SNTG2: variants seen among roughly 807,000 people sequenced by gnomAD.
SNTG2 encodes syntrophin gamma 2.
In SNTG2, 74 loss-of-function variants were observed where a neutral mutation model predicts 70.9. That is an observed-to-expected ratio of 1.04 (90% confidence interval 0.86 to 1.27). The LOEUF (loss-of-function observed/expected upper bound fraction) is 1.27. Ranked by LOEUF, SNTG2 falls within the 50% of genes most tolerant of loss-of-function variation. SNTG2 has a pLI of 0.00. For missense variants in SNTG2, 717 were observed against 690.7 expected, an observed-to-expected ratio of 1.04 and a Z score of -0.43; for synonymous variants, 278 against 273.8, an observed-to-expected ratio of 1.02 and a Z score of -0.15.
chr2:1,260,002 G>A (rs1050406778), intron 13 of SNTG2, among the ~76,000 whole-genome samples: 5 of 152,212 alleles, frequency 3.3e-5, no homozygotes, highest in Non-Finnish European at 5.9e-5. Flanking sequence ...TGCGCTCACC[G>A]TGGCCGGGTG....
intron 16 of SNTG2, among the ~76,000 whole-genome samples, chr2:1,339,090 T>C (rs1241399142): frequency 6.6e-6 from 1 of 152,220 alleles, no homozygotes; most frequent in Admixed American, 6.5e-5. Flanking sequence ...TTTTGAGGGT[T>C]TTGTTTGTTT....
chr2:1,294,822 C>A (rs937187882), intron 14 of SNTG2, among the ~76,000 whole-genome samples: 2 of 152,184 alleles, frequency 1.3e-5, no homozygotes, highest in Non-Finnish European at 2.9e-5. Context: ...TGAGTGTCAT[C>A]GTTTGCTTTA....
intron 16 of SNTG2, among the ~76,000 whole-genome samples, chr2:1,352,009 C>T (rs1292311173): frequency 6.6e-6 from 1 of 152,142 alleles, no homozygotes; most frequent in Non-Finnish European, 1.5e-5. Context: ...TTCCAGCCGA[C>T]CTGGAGGTCC....
At chr2:1,023,835 C>T (rs1408203214) in intron 1 of SNTG2, among the ~76,000 whole-genome samples, 2 of 152,176 alleles carry the variant, frequency 1.3e-5, no homozygotes, top group African/African-American at 4.8e-5. Context: ...TACACCAGGT[C>T]CGGCTGCAGG....
chr2:1,220,895 C>T (rs1480669792), intron 9 of SNTG2, among the ~76,000 whole-genome samples: 1 of 152,168 alleles, frequency 6.6e-6, no homozygotes, highest in Non-Finnish European at 1.5e-5. Context: ...TCAGGGTGGA[C>T]CCACTGCTAA....
At chr2:1,164,825 A>G (rs1670598959) in intron 6 of SNTG2, among the ~76,000 whole-genome samples, 1 of 151,882 alleles carries the variant, frequency 6.6e-6, no homozygotes, top group Non-Finnish European at 1.5e-5. Flanking sequence ...CGGGTGGGCT[A>G]TACCTGGCCT....
chr2:1,121,307 A>T (rs1261683013), intron 4 of SNTG2, among the ~76,000 whole-genome samples: 3 of 152,148 alleles, frequency 2.0e-5, no homozygotes, highest in Non-Finnish European at 4.4e-5. Context: ...TAAAACAAAG[A>T]TCCTAAATAG....
rs903557842 is a variant in SNTG2 at position 1,212,514 on chromosome 2, A to T, written c.719+3284A>T. Among the ~76,000 whole-genome samples the T allele has an allele frequency of 2.0e-5, 3 of 152,178 alleles. No homozygotes were observed. The South Asian group carries it at 6.2e-4, about 32-fold the overall frequency. ...GTAACAGCAAACTGAAAGGTTTATA[A>T]TTTTTCATAAGACAAGAATATTTTG... On this transcript the variant is annotated intron_variant, in intron 9 of 16. Transcript: ENST00000308624.
chr2:1,329,615 C>T (rs910255500), intron 16 of SNTG2, among the ~76,000 whole-genome samples: 3 of 152,158 alleles, frequency 2.0e-5, no homozygotes, highest in Non-Finnish European at 4.4e-5. Flanking sequence ...ACAAAAGTGT[C>T]CATGGGGGTA....
chr2:1,214,955 T>C (rs924163707), intron 9 of SNTG2, among the ~76,000 whole-genome samples: 1 of 152,234 alleles, frequency 6.6e-6, no homozygotes, highest in Non-Finnish European at 1.5e-5. Flanking sequence ...GGATAATGAA[T>C]TTTGTCAAAT....
chr2:1,066,156 A>G (rs1404111533), intron 1 of SNTG2, among the ~76,000 whole-genome samples: 1 of 152,212 alleles, frequency 6.6e-6, no homozygotes, highest in Non-Finnish European at 1.5e-5. Context: ...TTCCTGTGGC[A>G]TAAAAATCCA....
intron 1 of SNTG2, among the ~76,000 whole-genome samples, chr2:1,067,914 C>T (rs906416291): frequency 3.9e-5 from 6 of 152,128 alleles, no homozygotes; most frequent in African/African-American, 1.2e-4. Context: ...TTATGGGTCC[C>T]ACAGTCCTTG....
intron 9 of SNTG2, among the ~76,000 whole-genome samples, chr2:1,221,223 TGA>T (rs1171566020): frequency 2.8e-5 from 4 of 143,350 alleles, no homozygotes; most frequent in African/African-American, 7.8e-5. Flanking sequence ...CCTCTGTCTC[TGA>T]GTCTGTCTCT....
At chr2:1,202,988 C>T (rs1673372177) in intron 8 of SNTG2, among the ~76,000 whole-genome samples, 1 of 152,088 alleles carries the variant, frequency 6.6e-6, no homozygotes, top group Admixed American at 6.5e-5. Context: ...ATATTTTATG[C>T]TCAGTGTTGA....
chr2:1,058,138 GCTGA>G (rs10533793), intron 1 of SNTG2, among the ~76,000 whole-genome samples: 27,349 of 151,938 alleles, frequency 0.18, 3,005 homozygotes, highest in East Asian at 0.5. Context: ...ATCAGTTGTT[GCTGA>G]CTAAGAGATA....
At chr2:1,171,062 G>A (rs913395514) in intron 7 of SNTG2, among the ~76,000 whole-genome samples, 3 of 151,940 alleles carry the variant, frequency 2.0e-5, no homozygotes, top group African/African-American at 7.3e-5. Context: ...TATACTACAT[G>A]TTTTCTAATA....
chr2:1,210,850 A>G (rs1025901053), intron 9 of SNTG2, among the ~76,000 whole-genome samples: 1 of 152,224 alleles, frequency 6.6e-6, no homozygotes, highest in South Asian at 2.1e-4. Context: ...CGCATGCTGT[A>G]CTGGTTTGTA....
chr2:1,201,971 A>G (rs1417632639), intron 8 of SNTG2, among the ~76,000 whole-genome samples: 1 of 152,058 alleles, frequency 6.6e-6, no homozygotes, highest in Non-Finnish European at 1.5e-5. Context: ...AGGTTTAGGA[A>G]GCAGCCAGAT....
chr2:968,174 A>G (rs1036562702), intron 1 of SNTG2, among the ~76,000 whole-genome samples: 2 of 151,916 alleles, frequency 1.3e-5, no homozygotes, highest in Non-Finnish European at 2.9e-5. Context: ...AGCTTCTATG[A>G]TAAGGGCTTA....
Sources: gnomAD v4.1 joint callset for allele counts (sites outside exome capture counted in the v4.1 genomes callset) on GRCh38, gnomAD v4.1.1 for gene constraint, MANE v1.5 for transcripts, NCBI Gene and HGNC (gene_info 2026-07-23, HGNC 2026-07-21) for gene names.